The following HEXIM2 variants were observed in gnomAD, a reference collection of about 807,000 sequenced individuals.
The protein encoded by HEXIM2 is protein HEXIM2.
For missense variants in HEXIM2, 413 were observed against 390.8 expected (o/e 1.06, Z -0.48); for synonymous variants, 159 against 162.7 (o/e 0.98, Z 0.17).
chr17:45,169,751 A>C lies in HEXIM2; in HGVS notation c.803A>C (p.Gln268Pro). The change falls in exon 4 of 4, where the codon CAG (glutamine) becomes CCG (proline). Residue 268 changes from glutamine (Q) to proline (P), a missense_variant. Transcript: ENST00000589230. The stretch of plus-strand genomic sequence containing the variant: ...CGGACCGAAAACCAGCGGCTTCGTC[A>C]GGAGAACCAGATGTGGAACCGAGAG... ...RLRTENQRLR[Q>P]ENQMWNREGC... The C allele has an allele frequency of 6.8e-7, 1 of 1,476,182 alleles. No homozygotes were observed. Among genetic ancestry groups the C allele is most frequent in the Non-Finnish European group, 9.0e-7 (1 of 1,112,998 alleles). The allele number at this position is 1,476,182 out of a possible 1,614,324, so 91.4% of individuals were successfully genotyped here. A position where few individuals can be genotyped will look rare whatever the true frequency, so the allele number is the denominator to read the frequency against.
upstream of HEXIM2, chr17:45,161,270 A>T: frequency 3.0e-6 from 1 of 333,890 alleles, no homozygotes; most frequent in Non-Finnish European, 6.0e-6. Context: ...AGAACCCCGC[A>T]CTCTGTGAGA....
At chr17:45,163,312 C>G (rs948476890) in intron 3 of HEXIM2, among the ~76,000 whole-genome samples, 1 of 111,710 alleles carries the variant, frequency 9.0e-6, no homozygotes. Flanking sequence ...GGCGTCAGAG[C>G]GAGACTCCGT....
chr17:45,169,200 T>G lies in HEXIM2; in HGVS notation c.252T>G (p.Ala84=). The G allele has an allele frequency of 6.2e-7, 1 of 1,613,626 alleles. No homozygotes were observed. The highest frequency in any genetic ancestry group is 1.1e-5 in the South Asian group (1 of 91,080). Residue 84 remains alanine (A), a synonymous_variant, in exon 4 of 4, where the codon GCT becomes GCG. Coordinates refer to ENST00000589230, the MANE Select transcript of HEXIM2 (RefSeq NM_001303441.2). ...GCCCAGGGGGCTGCTCAGCGGAGGC[T>G]GTGCTGGCCCGGAAGAAACACCGTC... ...TQSPGGCSAE[A]VLARKKHRRR...
At chr17:45,165,462 A>G (rs969752484) in intron 3 of HEXIM2, among the ~76,000 whole-genome samples, 1 of 152,140 alleles carries the variant, frequency 6.6e-6, no homozygotes, top group African/African-American at 2.4e-5. Flanking sequence ...TCAACAACAT[A>G]CCAGTGGTAG....
chr17:45,160,889 A>G (rs2042664507), upstream of HEXIM2: 2 of 1,289,388 alleles, frequency 1.6e-6, no homozygotes, highest in Non-Finnish European at 1.0e-6. Context: ...GTAGTTTAAG[A>G]GGGTCGTGGT....
At chr17:45,160,835 T>C (rs186947648), upstream of HEXIM2, 17 of 1,081,246 alleles carry the variant, frequency 1.6e-5, no homozygotes, top group East Asian at 1.0e-3. Context: ...GGTTTCCAAG[T>C]GCCCCTCTCT....
chr17:45,160,904 C>G (rs139673020), upstream of HEXIM2: 1 of 1,289,694 alleles, frequency 7.8e-7, no homozygotes, highest in Admixed American at 2.3e-5. Flanking sequence ...CGTGGTTTTT[C>G]GCAACCCGGG....
chr17:45,160,985 G>A (rs1342484064), upstream of HEXIM2: 7 of 1,284,986 alleles, frequency 5.4e-6, no homozygotes, highest in Non-Finnish European at 7.1e-6. Flanking sequence ...GGAGCCTCCA[G>A]CTGACTGCCA....
At chr17:45,166,755 G>A (rs1306762028) in intron 3 of HEXIM2, among the ~76,000 whole-genome samples, 2 of 152,156 alleles carry the variant, frequency 1.3e-5, no homozygotes, top group East Asian at 1.9e-4. Context: ...TGGCAGTGGT[G>A]GCTCACACCT....
At chr17:45,162,082 A>G in intron 1 of HEXIM2, 51 bp downstream of exon 1, 4 of 901,082 alleles carry the variant, frequency 4.4e-6, no homozygotes, top group Non-Finnish European at 5.3e-6. Flanking sequence ...CCCTTCTTCC[A>G]AGAAATCCAT....
chr17:45,162,079 TC>T (rs2042713556), intron 1 of HEXIM2, 48 bp downstream of exon 1: 1 of 901,350 alleles, frequency 1.1e-6, no homozygotes, highest in African/African-American at 1.8e-5. Flanking sequence ...TCTCCCTTCT[TC>T]CAAGAAATCC....
Position 45,169,184 on chromosome 17 carries a change from G to C in HEXIM2, c.236G>C (p.Gly79Ala). ...SRSPRTQSPG[G>A]CSAEAVLARK... is the part of the protein sequence containing the mutation. ...AGTCCCCGGACCCAGAGCCCAGGGG[G>C]CTGCTCAGCGGAGGCTGTGCTGGCC... Residue 79 changes from glycine (G) to alanine (A), a missense_variant, in exon 4 of 4, where the codon GGC becomes GCC. By Grantham distance (60) the Gly-to-Ala change is moderately conservative. Transcript: ENST00000589230. 6.2e-7 allele frequency: 1 copy of C among 1,613,724 alleles called. No homozygotes were observed. Among genetic ancestry groups the C allele is most frequent in the Non-Finnish European group, 8.5e-7 (1 of 1,180,040 alleles).
At chr17:45,161,316 C>G (rs901980396), upstream of HEXIM2, 1 of 295,964 alleles carries the variant, frequency 3.4e-6, no homozygotes, top group Admixed American at 4.2e-5. Flanking sequence ...GGTTTGAGGA[C>G]CGGGCTCGGC....
intron 1 of HEXIM2, 58 bp from the exon 2 acceptor site, chr17:45,162,430 G>A (rs2042723958): frequency 9.2e-7 from 1 of 1,089,814 alleles, no homozygotes; most frequent in East Asian, 7.3e-5. Context: ...TGGTGGTTGG[G>A]GAAACAAAAC....
Position 45,169,784 on chromosome 17 carries a change from G to A in HEXIM2, c.836G>A (p.Arg279His), listed in dbSNP as rs200017941. 197 of 1,448,468 alleles carry A rather than the reference G, an allele frequency of 1.4e-4. 2 individuals are homozygous for A. The African/African-American group carries it at 2.2e-3, about 16-fold the overall frequency. The allele number at this position is 1,448,468 out of a possible 1,614,324, so 89.7% of individuals were successfully genotyped here. A position where few individuals can be genotyped will look rare whatever the true frequency, so the allele number is the denominator to read the frequency against. ...CAGATGTGGAACCGAGAGGGCTGCC[G>A]CTGTGATGAGGAGCCGGGTACCTAG... ...ENQMWNREGC[R>H]CDEEPGT Residue 279 changes from arginine to histidine, a missense_variant, in exon 4 of 4, where the codon CGC becomes CAC. By Grantham distance (29) the Arg-to-His change is conservative. Coordinates refer to ENST00000589230, the MANE Select transcript of HEXIM2 (RefSeq NM_001303441.2).
intron 3 of HEXIM2, 80 bp from the exon 4 acceptor site, chr17:45,168,935 C>G (rs1399568470): frequency 7.4e-7 from 1 of 1,343,764 alleles, no homozygotes; most frequent in Non-Finnish European, 1.0e-6. Flanking sequence ...AGGTAGGCTT[C>G]AGGCTAGGTA....
upstream of HEXIM2, among the ~76,000 whole-genome samples, chr17:45,160,298 C>T (rs1419987053): frequency 6.6e-6 from 1 of 152,074 alleles, no homozygotes; most frequent in Non-Finnish European, 1.5e-5. Context: ...TTTTTGGTAG[C>T]ATTTAGGATC....
At chr17:45,167,821 C>A (rs1013642751) in intron 3 of HEXIM2, among the ~76,000 whole-genome samples, 5 of 152,064 alleles carry the variant, frequency 3.3e-5, no homozygotes, top group African/African-American at 1.2e-4. Flanking sequence ...TAGTCTCGAT[C>A]TCCTGACCTC....
chr17:45,162,217 A>C (rs536963449), intron 1 of HEXIM2, among the ~76,000 whole-genome samples, 186 bp downstream of exon 1: 1 of 152,202 alleles, frequency 6.6e-6, no homozygotes, highest in Non-Finnish European at 1.5e-5. Flanking sequence ...AAAAGTCCTC[A>C]GCACTAGGCT....
Sources: gnomAD v4.1 joint callset for allele counts (sites outside exome capture counted in the v4.1 genomes callset) on GRCh38, gnomAD v4.1.1 for gene constraint, MANE v1.5 for transcripts, NCBI Gene and HGNC (gene_info 2026-07-23, HGNC 2026-07-21) for gene names.